Variants in DDX10 observed in about 807,000 individuals in gnomAD.
The protein encoded by DDX10 is probable ATP-dependent RNA helicase DDX10.
DDX10 carries 74 observed loss-of-function variants against 104.3 expected under a neutral mutation model. The observed-to-expected ratio is 0.71, with a 90% CI of 0.59 to 0.86. The LOEUF is 0.86. Ranked by LOEUF, DDX10 falls within the 40% of genes least tolerant of loss-of-function variation. DDX10 has a pLI of 0.00. For synonymous variants in DDX10, 351 were observed against 353.4 expected (o/e 0.99, Z 0.08); for missense variants, 952 against 1,040.0 (o/e 0.92, Z 1.16).
At chr11:108,748,565 C>T (rs1308359319) in intron 13 of DDX10, among the ~76,000 whole-genome samples, 3 of 152,054 alleles carry the variant, frequency 2.0e-5, no homozygotes, top group East Asian at 3.9e-4. Flanking sequence ...TGATTACAAC[C>T]GAATTAAAAT....
intron 5 of DDX10, among the ~76,000 whole-genome samples, chr11:108,678,719 A>G (rs2094229814): frequency 6.7e-6 from 1 of 150,284 alleles, no homozygotes; most frequent in South Asian, 2.1e-4. Flanking sequence ...TGAAAGGTCA[A>G]ATTGGCATTT....
At chr11:108,791,810 G>A (rs1861875093) in intron 13 of DDX10, among the ~76,000 whole-genome samples, 1 of 152,194 alleles carries the variant, frequency 6.6e-6, no homozygotes, top group Non-Finnish European at 1.5e-5. Flanking sequence ...TGCTATAGGA[G>A]TGGGATTTAG....
chr11:108,713,968 C>T (rs1339066394), intron 10 of DDX10, among the ~76,000 whole-genome samples: 1 of 152,178 alleles, frequency 6.6e-6, no homozygotes, highest in Non-Finnish European at 1.5e-5. Flanking sequence ...GGGCATTTCC[C>T]TCCCCTCAGG....
chr11:108,825,363 A>G (rs373113287), intron 13 of DDX10, among the ~76,000 whole-genome samples: 1 of 152,218 alleles, frequency 6.6e-6, no homozygotes, highest in Non-Finnish European at 1.5e-5. Flanking sequence ...ACAGGTACGC[A>G]TGCTCGGGAA....
chr11:108,719,827 C>A lies in DDX10; in HGVS notation c.1441C>A (p.Leu481Met). 2 of 1,606,402 alleles carry A rather than the reference C, an allele frequency of 1.2e-6. No homozygotes were observed. The highest frequency in any genetic ancestry group is 1.7e-6 in the Non-Finnish European group (2 of 1,173,160). ...CFVSYVRSVY[L>M]MKDKEVFDVS... ...CGTCTCCTATGTACGATCTGTATATCTGATGAAGGATAAAGAAGTATTTGA... is the reference window on the plus strand; with the variant it reads ...CGTCTCCTATGTACGATCTGTATATATGATGAAGGATAAAGAAGTATTTGA... The change falls in exon 12 of 18, where the codon CTG (leucine) becomes ATG (methionine). Residue 481 changes from leucine to methionine, a missense_variant. Physicochemically the swap from Leu to Met is conservative, Grantham distance 15. Coordinates refer to ENST00000322536, the MANE Select transcript of DDX10 (RefSeq NM_004398.4).
At position 108,706,748 on chromosome 11, in the gene DDX10, G is replaced by A; in HGVS notation, c.1233G>A (p.Glu411=). 1 of 1,613,682 alleles carries A rather than the reference G, an allele frequency of 6.2e-7. No individual in the cohort carries two copies. The highest frequency in any genetic ancestry group is 8.5e-7 in the Non-Finnish European group (1 of 1,179,610). The change falls in exon 10 of 18, where the codon GAG becomes GAA. Residue 411 remains glutamate (E), a synonymous_variant. Transcript: ENST00000322536. ...GTTTCTTTTTGTTTAGGTACAAAGAGGATGGTGAAGCTTTGCTAATTTTGC... is the reference window on the plus strand; with the variant it reads ...GTTTCTTTTTGTTTAGGTACAAAGAAGATGGTGAAGCTTTGCTAATTTTGC... The part of the protein sequence containing the change: ...HRAGRTARYK[E]DGEALLILLP...
intron 13 of DDX10, among the ~76,000 whole-genome samples, chr11:108,732,235 T>C (rs11212770): frequency 0.12 from 18,664 of 152,202 alleles, 1,554 homozygotes; most frequent in East Asian, 0.27. Flanking sequence ...TTTTTCCTTA[T>C]GACAAGAAAG....
chr11:108,876,363 A>C (rs1422097178), intron 16 of DDX10, among the ~76,000 whole-genome samples: 1 of 152,206 alleles, frequency 6.6e-6, no homozygotes, highest in South Asian at 2.1e-4. Flanking sequence ...AAAGTTGTAC[A>C]TAAGTTATGT....
chr11:108,747,837 G>A (rs1361162831), intron 13 of DDX10, among the ~76,000 whole-genome samples: 6 of 151,938 alleles, frequency 3.9e-5, no homozygotes, highest in South Asian at 2.1e-4. Context: ...TAAAGTTACC[G>A]ATTCATGAAG....
At chr11:108,936,576 T>C (rs544717157) in intron 17 of DDX10, among the ~76,000 whole-genome samples, 28 of 152,212 alleles carry the variant, frequency 1.8e-4, no homozygotes, top group Non-Finnish European at 3.7e-4. Context: ...TATAGACTTT[T>C]TAAAATACAA....
chr11:108,740,822 G>A (rs1036328842), intron 13 of DDX10, among the ~76,000 whole-genome samples: 1 of 152,022 alleles, frequency 6.6e-6, no homozygotes, highest in African/African-American at 2.4e-5. Flanking sequence ...ACTTTGTAAC[G>A]GAGTTGATTT....
At chr11:108,689,647 A>T (rs951755467) in intron 7 of DDX10, among the ~76,000 whole-genome samples, 1 of 152,208 alleles carries the variant, frequency 6.6e-6, no homozygotes, top group African/African-American at 2.4e-5. Context: ...AGGAATAAAG[A>T]ATAAGGATTT....
chr11:108,750,772 T>C (rs12799569), intron 13 of DDX10, among the ~76,000 whole-genome samples: 10,293 of 150,900 alleles, frequency 0.068, 400 homozygotes, highest in Middle Eastern at 0.13. Flanking sequence ...TTTTTTCTTT[T>C]TTTTTGAGAC....
intron 16 of DDX10, among the ~76,000 whole-genome samples, chr11:108,899,801 A>G (rs964970734): frequency 2.6e-5 from 4 of 152,100 alleles, no homozygotes; most frequent in African/African-American, 9.7e-5. Flanking sequence ...AGTTCTCATG[A>G]GACCTGGCTG....
At position 108,693,634 on chromosome 11, in the gene DDX10, A is replaced by T. The variant is rs370402551; in HGVS notation, c.1223+34A>T. 5.4e-6 allele frequency: 8 copies of T among 1,469,552 alleles called. No homozygotes were observed. The African/African-American group carries it at 8.3e-5, about 15-fold the overall frequency. The allele number at this position is 1,469,552 out of a possible 1,614,324, so 91.0% of individuals were successfully genotyped here. ...ACTGACTAATTTCTTTTCTTTTGCT[A>T]CTATCTAAATAACAAAGCATGCTTT... On this transcript the variant is annotated intron_variant, in intron 9 of 17. Transcript: ENST00000322536.
chr11:108,895,998 A>G (rs1439091142), intron 16 of DDX10, among the ~76,000 whole-genome samples: 2 of 152,088 alleles, frequency 1.3e-5, no homozygotes, highest in Non-Finnish European at 2.9e-5. Flanking sequence ...GCAGGACTGG[A>G]ATGTTTGTAT....
At chr11:108,707,809 A>G (rs958447800) in intron 10 of DDX10, among the ~76,000 whole-genome samples, 1 of 152,228 alleles carries the variant, frequency 6.6e-6, no homozygotes, top group Non-Finnish European at 1.5e-5. Flanking sequence ...AGCTACAATT[A>G]GATTCTTCTC....
chr11:108,940,626 G>T lies in DDX10; in HGVS notation c.*203G>T. 1 of 430,330 alleles carries T rather than the reference G, an allele frequency of 2.3e-6. No homozygotes were observed. The highest frequency in any genetic ancestry group is 3.6e-5 in the East Asian group (1 of 27,870). 26.7% of individuals were successfully genotyped at this position (430,330 alleles called of 1,614,324 possible). ...CACTGAGCATACTCAGATCGAGGGT[G>T]GATGATACCATTTCCTGACCCCGTT... On this transcript the variant is annotated 3_prime_UTR_variant, in exon 18 of 18. Coordinates refer to ENST00000322536, the MANE Select transcript of DDX10 (RefSeq NM_004398.4).
intron 13 of DDX10, among the ~76,000 whole-genome samples, chr11:108,729,462 C>T (rs896602726): frequency 6.6e-6 from 1 of 152,148 alleles, no homozygotes; most frequent in Non-Finnish European, 1.5e-5. Context: ...CATCGTCTCA[C>T]AAGTGCCTTT....
Sources: allele counts gnomAD v4.1 joint callset (sites outside exome capture counted in the v4.1 genomes callset), GRCh38; gene constraint gnomAD v4.1.1; transcripts MANE v1.5; gene names NCBI Gene and HGNC (gene_info 2026-07-23, HGNC 2026-07-21).